Variants in TAF4B observed in about 807,000 individuals in gnomAD.
TAF4B encodes TATA-box binding protein associated factor 4b.
TAF4B carries 38 observed loss-of-function variants against 86.4 expected under a neutral mutation model. The observed-to-expected ratio is 0.44, with a 90% CI of 0.34 to 0.58. The LOEUF (loss-of-function observed/expected upper bound fraction) is 0.58. Ranked by LOEUF, TAF4B falls within the 20% of genes least tolerant of loss-of-function variation. The probability of loss-of-function intolerance (pLI) is 0.02; values close to 1 mark genes in which losing one functional copy is unlikely to be tolerated. For missense variants in TAF4B, 988 were observed against 1,027.6 expected, an observed-to-expected ratio of 0.96 and a Z score of 0.53; for synonymous variants, 388 against 391.2, an observed-to-expected ratio of 0.99 and a Z score of 0.10.
intron 1 of TAF4B, among the ~76,000 whole-genome samples, chr18:26,235,550 C>T (rs2055736268): frequency 1.3e-5 from 2 of 152,200 alleles, no homozygotes; most frequent in African/African-American, 2.4e-5. Flanking sequence ...AAATCATCCA[C>T]ATACTGAAGG....
At chr18:26,314,336 T>G (rs1598791123) in intron 9 of TAF4B, among the ~76,000 whole-genome samples, 1 of 152,206 alleles carries the variant, frequency 6.6e-6, no homozygotes, top group African/African-American at 2.4e-5. Context: ...TTCCTCTCCC[T>G]CTTCTTTACC....
At chr18:26,387,433 A>G (rs1978437518) in intron 14 of TAF4B, among the ~76,000 whole-genome samples, 2 of 152,052 alleles carry the variant, frequency 1.3e-5, no homozygotes, top group Non-Finnish European at 1.5e-5. Context: ...TTTTTATTCA[A>G]TTTTCCAAAC....
intron 1 of TAF4B, among the ~76,000 whole-genome samples, chr18:26,240,649 C>T (rs2055822994): frequency 6.6e-6 from 1 of 152,176 alleles, no homozygotes; most frequent in African/African-American, 2.4e-5. Flanking sequence ...GAGAGGGCAT[C>T]CCTGTCTTGT....
rs2056861867 is a variant in TAF4B, at chr18:26,312,362, G to GGCA, written c.1833-2866_1833-2864dup. 2.0e-5 allele frequency among the ~76,000 whole-genome samples: 3 copies of GGCA among 152,064 alleles called. No homozygotes were observed. In the South Asian group the frequency reaches 6.2e-4, roughly 32 times the overall value. On this transcript the variant is annotated intron_variant, in intron 9 of 14. Coordinates refer to ENST00000269142, the MANE Select transcript of TAF4B (RefSeq NM_005640.3). ...AATAGCTTGGGTGCTGTTTTTTTGT[G>GGCA]GCACCTTTTCCTCTTTCCTCAGTAG...
At chr18:26,347,422 A>C (rs1598817566) in intron 13 of TAF4B, among the ~76,000 whole-genome samples, 1 of 146,500 alleles carries the variant, frequency 6.8e-6, no homozygotes, top group African/African-American at 2.8e-5. Context: ...TGGTAGAACC[A>C]ATACAGAAAA....
At chr18:26,254,611 A>G (rs1276690430) in intron 1 of TAF4B, among the ~76,000 whole-genome samples, 2 of 152,322 alleles carry the variant, frequency 1.3e-5, no homozygotes, top group Middle Eastern at 3.4e-3. Flanking sequence ...GTTTTGTGCC[A>G]TCCCGAAGAC....
Position 26,226,855 on chromosome 18 carries a change from T to G in TAF4B, c.-79T>G. 1 of 1,178,522 alleles carries G rather than the reference T, an allele frequency of 8.5e-7. No homozygotes were observed. The highest frequency in any genetic ancestry group is 1.1e-6 in the Non-Finnish European group (1 of 915,130). The allele number at this position is 1,178,522 out of a possible 1,614,324, so 73.0% of individuals were successfully genotyped here. On this transcript the variant is annotated 5_prime_UTR_variant, in exon 1 of 15. Transcript: ENST00000269142. ...CTGTGGAACCCGAACCGCACCGGAG[T>G]CGGCTGCCGCGCGCCAAGCCTCCCC...
At chr18:26,245,115 G>A (rs2055902850) in intron 1 of TAF4B, among the ~76,000 whole-genome samples, 1 of 152,298 alleles carries the variant, frequency 6.6e-6, no homozygotes, top group South Asian at 2.1e-4. Context: ...TCTTTAGTCT[G>A]GCGGCCATGC....
chr18:26,262,258 A>G (rs2056179908), intron 1 of TAF4B, among the ~76,000 whole-genome samples: 1 of 151,398 alleles, frequency 6.6e-6, no homozygotes, highest in Admixed American at 6.6e-5. Flanking sequence ...TCCTCCCGGG[A>G]AGATACCATA....
chr18:26,239,168 G>A (rs2055796854), intron 1 of TAF4B, among the ~76,000 whole-genome samples: 1 of 152,192 alleles, frequency 6.6e-6, no homozygotes, highest in Admixed American at 6.5e-5. Context: ...TTGCCACACT[G>A]TCTTCCACAA....
At chr18:26,366,600 G>T (rs1034458522) in intron 14 of TAF4B, among the ~76,000 whole-genome samples, 3 of 152,020 alleles carry the variant, frequency 2.0e-5, no homozygotes, top group African/African-American at 7.2e-5. Flanking sequence ...TGAGAGGAGG[G>T]AATGTTTAAC....
intron 5 of TAF4B, among the ~76,000 whole-genome samples, chr18:26,278,758 G>T (rs1461808043): frequency 6.6e-6 from 1 of 152,000 alleles, no homozygotes; most frequent in Non-Finnish European, 1.5e-5. Context: ...AGTGAAAAAG[G>T]CTTTCTCTCC....
intron 11 of TAF4B, among the ~76,000 whole-genome samples, chr18:26,323,427 G>T (rs2056978561): frequency 6.6e-6 from 1 of 151,880 alleles, no homozygotes; most frequent in Non-Finnish European, 1.5e-5. Context: ...TTGCAACCTT[G>T]AACTCCTGGA....
chr18:26,271,042 C>T (rs765067298), intron 3 of TAF4B, among the ~76,000 whole-genome samples: 1 of 152,130 alleles, frequency 6.6e-6, no homozygotes, highest in Non-Finnish European at 1.5e-5. Context: ...TAGCCTAGAA[C>T]AGTGGAAATT....
intron 1 of TAF4B, among the ~76,000 whole-genome samples, chr18:26,243,314 C>T (rs1047204779): frequency 6.6e-6 from 1 of 152,000 alleles, no homozygotes; most frequent in Admixed American, 6.6e-5. Context: ...AACTTCTCTT[C>T]TTGCTTCATT....
chr18:26,283,671 C>CT (rs1378923209), intron 6 of TAF4B, among the ~76,000 whole-genome samples: 1 of 152,166 alleles, frequency 6.6e-6, no homozygotes, highest in Non-Finnish European at 1.5e-5. Flanking sequence ...CCTTTGAAGC[C>CT]TTGAAGCCAT....
intron 1 of TAF4B, among the ~76,000 whole-genome samples, chr18:26,234,975 G>A (rs772318760): frequency 2.0e-4 from 30 of 152,162 alleles, no homozygotes; most frequent in South Asian, 4.1e-4. Context: ...GCAACTACCC[G>A]TAAACAGTGA....
chr18:26,241,038 A>C (rs921517055), intron 1 of TAF4B, among the ~76,000 whole-genome samples: 1 of 152,126 alleles, frequency 6.6e-6, no homozygotes, highest in Non-Finnish European at 1.5e-5. Context: ...TATTGGTCTA[A>C]AATTCTCTTT....
chr18:26,344,376 AAAG>A lies in TAF4B; in HGVS notation c.2316+9146_2316+9148del, dbSNP rs200944300. On this transcript the variant is annotated intron_variant, in intron 13 of 14. Coordinates refer to ENST00000269142, the MANE Select transcript of TAF4B (RefSeq NM_005640.3). ...AAAACTATTTTTTTTTTTTAAAAAA[AAAG>A]GGAAAAAAACCTGTGGAGATCAGAA... Among the ~76,000 whole-genome samples, 634 of 151,896 alleles carry A rather than the reference AAAG, an allele frequency of 4.2e-3. 2 individuals carry two copies. The highest frequency in any genetic ancestry group is 5.8e-3 in the Non-Finnish European group (397 of 67,964).
Sources: allele counts gnomAD v4.1 joint callset (sites outside exome capture counted in the v4.1 genomes callset), GRCh38; gene constraint gnomAD v4.1.1; transcripts MANE v1.5; gene names NCBI Gene and HGNC (gene_info 2026-07-23, HGNC 2026-07-21).